PRKD2: variants seen among roughly 807,000 people sequenced by gnomAD.
The protein encoded by PRKD2 is serine/threonine-protein kinase D2.
In PRKD2, 22 loss-of-function variants were observed where a neutral mutation model predicts 86.0. The observed-to-expected ratio is 0.26, with a 90% confidence interval of 0.18 to 0.37. The LOEUF (loss-of-function observed/expected upper bound fraction) is 0.37, where lower values mean the gene tolerates loss of function less well. Ranked by LOEUF, PRKD2 falls within the 10% of genes least tolerant of loss-of-function variation. The probability of loss-of-function intolerance (pLI) is 1.00; values close to 1 mark genes in which losing one functional copy is unlikely to be tolerated. For missense variants in PRKD2, 818 were observed against 1,199.2 expected, an observed-to-expected ratio of 0.68 and a Z score of 4.70; for synonymous variants, 509 against 510.9, an observed-to-expected ratio of 1.00 and a Z score of 0.05.
intron 8 of PRKD2, 95 bp from the exon 9 acceptor site, chr19:46,697,329 C>A: frequency 1.4e-5 from 13 of 906,214 alleles, no homozygotes; most frequent in Non-Finnish European, 2.3e-5. Flanking sequence ...GCCTGGAGCA[C>A]CACGTGCACG....
At chr19:46,715,055 A>G (rs1207889229) in intron 1 of PRKD2, among the ~76,000 whole-genome samples, 1 of 152,196 alleles carries the variant, frequency 6.6e-6, no homozygotes. Flanking sequence ...TGGAATTTGG[A>G]TATTTTGGGA....
At chr19:46,691,899 A>C in intron 11 of PRKD2, 34 bp downstream of exon 11, 1 of 1,611,524 alleles carries the variant, frequency 6.2e-7, no homozygotes, top group Non-Finnish European at 8.5e-7. Flanking sequence ...GGTTTGTGGG[A>C]GGGGAGGGCA....
At chr19:46,705,477 AGTAGT>A (rs1466960036) in intron 3 of PRKD2, among the ~76,000 whole-genome samples, 1 of 152,142 alleles carries the variant, frequency 6.6e-6, no homozygotes, top group Non-Finnish European at 1.5e-5. Context: ...GCAATCCCTA[AGTAGT>A]GTGATTAAAT....
chr19:46,705,799 A>AAG (rs1491025878), intron 3 of PRKD2, among the ~76,000 whole-genome samples: 2 of 151,668 alleles, frequency 1.3e-5, no homozygotes, highest in African/African-American at 4.8e-5. Context: ...AAAAAAAAAA[A>AAG]GAGTTCTCAG....
chr19:46,711,799 G>A (rs2053813074), intron 2 of PRKD2, among the ~76,000 whole-genome samples: 1 of 152,106 alleles, frequency 6.6e-6, no homozygotes, highest in Non-Finnish European at 1.5e-5. Flanking sequence ...GGTGCCCGGT[G>A]GCTCACATCT....
At chr19:46,688,930 C>T (rs1471609675) in intron 14 of PRKD2, 1 of 152,154 alleles carries the variant, frequency 6.6e-6, no homozygotes, top group African/African-American at 2.4e-5. Context: ...CTGGTGGTCC[C>T]CCACTCCTGG....
At chr19:46,704,797 C>A in intron 3 of PRKD2, 148 bp from the exon 4 acceptor site, 1 of 1,081,588 alleles carries the variant, frequency 9.2e-7, no homozygotes. Flanking sequence ...GCACTACTAT[C>A]CGTAAGTGTA....
rs561155581 is a variant in PRKD2, at chr19:46,697,251, A to G, written c.1240-17T>C. 3 of 1,558,272 alleles carry G rather than the reference A, an allele frequency of 1.9e-6. No individual in the cohort carries two copies. The highest frequency in any genetic ancestry group is 2.2e-5 in the South Asian group (2 of 89,286). On this transcript the variant is annotated splice_polypyrimidine_tract_variant and intron_variant, in intron 8 of 17. Coordinates refer to ENST00000291281, the MANE Select transcript of PRKD2 (RefSeq NM_016457.5). ...CCGCTTTCTCTGCAGAGATGTTTGAAGAGTCACGTGAACCGCCAGACTTTC... is the reference window on the plus strand; with the variant it reads ...CCGCTTTCTCTGCAGAGATGTTTGAGGAGTCACGTGAACCGCCAGACTTTC...
At chr19:46,699,215 A>G (rs1320914632) in intron 7 of PRKD2, among the ~76,000 whole-genome samples, 2 of 152,044 alleles carry the variant, frequency 1.3e-5, no homozygotes, top group Non-Finnish European at 2.9e-5. Flanking sequence ...GAGCCCCACA[A>G]GGCTCCTTCC....
At chr19:46,681,588 A>ACCCCCCCCCCCCCCCCC in intron 15 of PRKD2, 62 bp downstream of exon 15, 2 of 250,490 alleles carry the variant, frequency 8.0e-6, no homozygotes, top group Non-Finnish European at 8.5e-6. Context: ...CCCCTTCCCC[A>ACCCCCCCCCCCCCCCCC]CCCCCACCCC....
At chr19:46,715,989 G>C in intron 1 of PRKD2, 142 bp downstream of exon 1, 1 of 1,326,152 alleles carries the variant, frequency 7.5e-7, no homozygotes, top group Non-Finnish European at 9.9e-7. Context: ...GCAATGGAGG[G>C]GGGCAATGCC....
intron 3 of PRKD2, among the ~76,000 whole-genome samples, chr19:46,709,698 A>C (rs2053774401): frequency 1.3e-5 from 2 of 151,556 alleles, no homozygotes; most frequent in Non-Finnish European, 2.9e-5. Context: ...AAAATCCATA[A>C]TCAGCTGACT....
chr19:46,711,082 C>T, intron 2 of PRKD2, 44 bp from the exon 3 acceptor site: 3 of 1,538,892 alleles, frequency 1.9e-6, no homozygotes, highest in Non-Finnish European at 2.6e-6. Context: ...CGGGGTAGGC[C>T]AAAGCTTTTC....
chr19:46,713,963 G>A lies in PRKD2; in HGVS notation c.279C>T (p.Ile93=), dbSNP rs953758480. The change falls in exon 2 of 18, where the codon ATC becomes ATT. Residue 93 remains isoleucine, a synonymous_variant. Coordinates refer to ENST00000291281, the MANE Select transcript of PRKD2 (RefSeq NM_016457.5). The part of the protein sequence containing the change: ...ECGFYGLYDK[I]LLFKHDPTSA... ...ACGTGGGGTCATGTTTGAAAAGCAGGATCTTGTCGTAAAGGCCGTAGAAGC... is the reference window on the plus strand; with the variant it reads ...ACGTGGGGTCATGTTTGAAAAGCAGAATCTTGTCGTAAAGGCCGTAGAAGC... The A allele has an allele frequency of 6.2e-7, 1 of 1,613,694 alleles. No individual in the cohort carries two copies.
chr19:46,677,359 TC>T (rs763710159), intron 16 of PRKD2: 4 of 152,346 alleles, frequency 2.6e-5, no homozygotes, highest in Non-Finnish European at 5.9e-5. Context: ...GCCTGGCACA[TC>T]GTGGGCACTC....
At chr19:46,706,024 ATTT>A in intron 3 of PRKD2, among the ~76,000 whole-genome samples, 2 of 151,808 alleles carry the variant, frequency 1.3e-5, no homozygotes, top group South Asian at 4.2e-4. Context: ...TGCCCAGATA[ATTT>A]TTTTATTTTT....
chr19:46,705,063 C>CA (rs2122123032), intron 3 of PRKD2, among the ~76,000 whole-genome samples: 1 of 151,514 alleles, frequency 6.6e-6, no homozygotes, highest in South Asian at 2.1e-4. Flanking sequence ...AGGGATACCT[C>CA]AAAGGTTCCC....
At chr19:46,710,826 G>T in intron 3 of PRKD2, 81 bp downstream of exon 3, 2 of 1,406,472 alleles carry the variant, frequency 1.4e-6, no homozygotes, top group Non-Finnish European at 1.9e-6. Flanking sequence ...TCCCCACGCT[G>T]TCCCCGTGCC....
Position 46,693,400 on chromosome 19 carries a change from T to C in PRKD2, c.1576+475A>G, listed in dbSNP as rs2053510525. On this transcript the variant is annotated intron_variant, in intron 10 of 17. Transcript: ENST00000291281. The surrounding 1 kb of genome is among the most constrained non-coding windows in gnomAD (Gnocchi z 4.5). ...GGGAAGTGATATGCCCAGGGCCACA[T>C]ATCAGGCCAGGAGCTTAACAGAGAT... Among the ~76,000 whole-genome samples the C allele has an allele frequency of 6.6e-6, 1 of 152,190 alleles. No homozygotes were observed. Among genetic ancestry groups the C allele is most frequent in the African/African-American group, 2.4e-5 (1 of 41,454 alleles).
Sources: allele counts gnomAD v4.1 joint callset (sites outside exome capture counted in the v4.1 genomes callset), GRCh38; gene constraint gnomAD v4.1.1; non-coding constraint Gnocchi (gnomAD v3.1); transcripts MANE v1.5; gene names NCBI Gene and HGNC (gene_info 2026-07-23, HGNC 2026-07-21).